Variants in AFM observed in about 807,000 individuals in gnomAD.
AFM encodes afamin, also known as alpha-Alb.
AFM carries 82 observed loss-of-function variants against 68.7 expected under a neutral mutation model. That is an observed-to-expected ratio of 1.19 (90% CI 1.00 to 1.43). AFM has a LOEUF of 1.43. Ranked by LOEUF, AFM falls within the 40% of genes most tolerant of loss-of-function variation. The pLI is 0.00. For synonymous variants in AFM, 250 were observed against 234.2 expected, an observed-to-expected ratio of 1.07 and a Z score of -0.61; for missense variants, 772 against 701.8, an observed-to-expected ratio of 1.10 and a Z score of -1.13.
intron 11 of AFM, 26 bp from the exon 12 acceptor site, chr4:73,499,978 C>G (rs535482499): frequency 1.3e-6 from 2 of 1,578,032 alleles, no homozygotes; most frequent in East Asian, 4.5e-5. Flanking sequence ...AAGATCGTAT[C>G]TCAGTTGCAA....
At chr4:73,493,143 G>T (rs1467515519) in intron 8 of AFM, among the ~76,000 whole-genome samples, 1 of 152,118 alleles carries the variant, frequency 6.6e-6, no homozygotes, top group African/African-American at 2.4e-5. Flanking sequence ...GGTTTGTTGT[G>T]TATGTGGCTG....
At position 73,483,857 on chromosome 4, in the gene AFM, C is replaced by T. The variant is rs955002089; in HGVS notation, c.89-84C>T. The T allele has an allele frequency of 1.1e-5, 13 of 1,160,600 alleles. 1 individual carries two copies. The Middle Eastern group carries it at 6.0e-4, about 54-fold the overall frequency. 71.9% of individuals were successfully genotyped at this position (1,160,600 alleles called of 1,614,324 possible). A position where few individuals can be genotyped will look rare whatever the true frequency, so the allele number is the denominator to read the frequency against. On this transcript the variant is annotated intron_variant, in intron 1 of 14. Coordinates refer to ENST00000226355, the MANE Select transcript of AFM (RefSeq NM_001133.2). ...TCAGTGGTCTATTTTGTATTTTATA[C>T]ACTTAAATGCCATGTATAGTTATTT... is the stretch of plus-strand genomic sequence containing the variant.
chr4:73,490,635 A>G (rs755695419), intron 7 of AFM, among the ~76,000 whole-genome samples: 8 of 151,970 alleles, frequency 5.3e-5, no homozygotes, highest in Non-Finnish European at 8.8e-5. Context: ...ATTAGCCAGG[A>G]TGTATGTTTT....
intron 3 of AFM, 137 bp from the exon 4 acceptor site, chr4:73,485,725 G>GGGAAGA: frequency 1.6e-6 from 1 of 643,740 alleles, no homozygotes; most frequent in Non-Finnish European, 2.7e-6. Context: ...GAAGGGGAAG[G>GGGAAGA]GGAAGGAGAG....
rs377580209 is a variant in AFM, at chr4:73,495,371, A to G, written c.1130A>G (p.Tyr377Cys). 4 of 1,613,324 alleles carry G rather than the reference A, an allele frequency of 2.5e-6. No individual in the cohort carries two copies. Among genetic ancestry groups the G allele is most frequent in the Middle Eastern group, 1.6e-4 (1 of 6,078 alleles). ...GAGCTTTTAAGAATTGTTCAAATATACAAAGATCTCCTGAGAAATTGCTGC... is the reference window on the plus strand; with the variant it reads ...GAGCTTTTAAGAATTGTTCAAATATGCAAAGATCTCCTGAGAAATTGCTGC... ...IPELLRIVQI[Y>C]KDLLRNCCNT... is the part of the protein sequence containing the mutation. The change falls in exon 9 of 15, where the codon TAC (tyrosine) becomes TGC (cysteine). Residue 377 changes from tyrosine (Y) to cysteine (C), a missense_variant. Transcript: ENST00000226355.
intron 13 of AFM, among the ~76,000 whole-genome samples, chr4:73,502,231 G>T (rs555621671): frequency 2.8e-4 from 43 of 152,144 alleles, no homozygotes; most frequent in African/African-American, 6.3e-4. Flanking sequence ...TACACCTTTG[G>T]TTCTTATTTT....
Position 73,483,983 on chromosome 4 carries a change from A to G in AFM, c.131A>G (p.Glu44Gly). Residue 44 changes from glutamate to glycine, a missense_variant, in exon 2 of 15, where the codon GAA becomes GGA. Transcript: ENST00000226355. The stretch of plus-strand genomic sequence containing the variant: ...CAAAAATTTATAGAAGATAATATTG[A>G]ATACATGTGAGTTGTGCTAAATACT... Reference protein sequence around the residue: ...STQKFIEDNIEYITIIAFAQY... With the variant: ...STQKFIEDNIGYITIIAFAQY... 6.5e-7 allele frequency: 1 copy of G among 1,528,104 alleles called. No individual in the cohort carries two copies. The highest frequency in any genetic ancestry group is 9.0e-7 in the Non-Finnish European group (1 of 1,115,466). The allele number at this position is 1,528,104 out of a possible 1,614,324, so 94.7% of individuals were successfully genotyped here.
chr4:73,481,941 A>C, intron 1 of AFM, 78 bp downstream of exon 1: 2 of 1,050,460 alleles, frequency 1.9e-6, no homozygotes, highest in Non-Finnish European at 2.8e-6. Context: ...GTTTTCTTTC[A>C]AGTTAATTCT....
chr4:73,500,871 C>A, intron 12 of AFM, among the ~76,000 whole-genome samples: 1 of 152,260 alleles, frequency 6.6e-6, no homozygotes, highest in Non-Finnish European at 1.5e-5. Flanking sequence ...GTGCAATACA[C>A]TCTTGTATTT....
intron 3 of AFM, 59 bp downstream of exon 3, chr4:73,484,449 T>C (rs1720812690): frequency 7.0e-6 from 2 of 284,498 alleles, no homozygotes; most frequent in South Asian, 8.1e-5. Context: ...TCTCTTTCTT[T>C]CTTTCTTTCT....
intron 3 of AFM, among the ~76,000 whole-genome samples, chr4:73,485,099 A>G (rs16849484): frequency 0.22 from 34,012 of 152,088 alleles, 4,238 homozygotes; most frequent in Admixed American, 0.33. Flanking sequence ...GAAACTGCAC[A>G]TGAAATTACA....
Position 73,492,035 on chromosome 4 carries a change from G to C in AFM, c.1007G>C (p.Ser336Thr), listed in dbSNP as rs758690639. The change falls in exon 8 of 15, where the codon AGT (serine) becomes ACT (threonine). Residue 336 changes from serine (S) to threonine (T), a missense_variant. Ser to Thr is a moderately conservative substitution (Grantham distance 58). Transcript: ENST00000226355. Reference protein sequence around the residue: ...LSLREGKFTDSENVCQERDAD... With the variant: ...LSLREGKFTDTENVCQERDAD... ...CTAAGAGAAGGAAAATTTACTGACAGTGAAAATGTGTGTCAAGAACGAGAT... is the reference window on the plus strand; with the variant it reads ...CTAAGAGAAGGAAAATTTACTGACACTGAAAATGTGTGTCAAGAACGAGAT... The C allele has an allele frequency of 6.2e-7, 1 of 1,613,222 alleles. No individual in the cohort carries two copies. The highest frequency in any genetic ancestry group is 1.3e-5 in the African/African-American group (1 of 74,994).
At chr4:73,482,062 ATGAAGAAAGAGT>A (rs1720729595) in intron 1 of AFM, among the ~76,000 whole-genome samples, 199 bp downstream of exon 1, 1 of 152,214 alleles carries the variant, frequency 6.6e-6, no homozygotes, top group Non-Finnish European at 1.5e-5. Context: ...CCAAGTCTAT[ATGAAGAAAGAGT>A]TGTCACATCT....
intron 9 of AFM, among the ~76,000 whole-genome samples, chr4:73,497,435 A>T (rs2149346279): frequency 6.6e-6 from 1 of 152,342 alleles, no homozygotes; most frequent in Middle Eastern, 3.4e-3. Context: ...ATAATAAAAA[A>T]ATTTGGACTT....
chr4:73,502,983 A>T lies in AFM; in HGVS notation c.1780-67A>T, dbSNP rs1577982923. Reference sequence around the variant, plus strand: ...CTTCAAAATTCAGGAAAACATGCTTATCTAAATTTAAACTAGTGTCTTAAA... The same window carrying T: ...CTTCAAAATTCAGGAAAACATGCTTTTCTAAATTTAAACTAGTGTCTTAAA... On this transcript the variant is annotated intron_variant, in intron 13 of 14. Transcript: ENST00000226355. 5 of 1,387,020 alleles carry T rather than the reference A, an allele frequency of 3.6e-6. No individual in the cohort carries two copies. The East Asian group carries it at 1.1e-4, about 32-fold the overall frequency. 85.9% of individuals were successfully genotyped at this position (1,387,020 alleles called of 1,614,324 possible).
intron 8 of AFM, 79 bp from the exon 9 acceptor site, chr4:73,495,221 T>A: frequency 7.3e-7 from 1 of 1,373,726 alleles, no homozygotes; most frequent in South Asian, 1.5e-5. Context: ...GTATTAGATC[T>A]GACTGGATTA....
intron 1 of AFM, among the ~76,000 whole-genome samples, chr4:73,483,014 G>A (rs1163031244): frequency 1.3e-5 from 2 of 151,986 alleles, no homozygotes; most frequent in African/African-American, 4.8e-5. Context: ...TCTATCCTAG[G>A]TACCATTATT....
At chr4:73,487,702 G>T (rs192009898) in intron 5 of AFM, 22 bp from the exon 6 acceptor site, 32 of 1,499,948 alleles carry the variant, frequency 2.1e-5, no homozygotes, top group Admixed American at 2.1e-4. Flanking sequence ...TGTTTCAAAA[G>T]AATTTTCTCT....
At chr4:73,497,274 AC>A (rs1721282381) in intron 9 of AFM, among the ~76,000 whole-genome samples, 1 of 152,234 alleles carries the variant, frequency 6.6e-6, no homozygotes, top group Non-Finnish European at 1.5e-5. Context: ...TGGGTAAGTC[AC>A]TTAATTTCAC....
Sources: gnomAD v4.1 joint callset for allele counts (sites outside exome capture counted in the v4.1 genomes callset) on GRCh38, gnomAD v4.1.1 for gene constraint, MANE v1.5 for transcripts, NCBI Gene and HGNC (gene_info 2026-07-23, HGNC 2026-07-21) for gene names.